Variants in ENO2 observed in about 807,000 individuals in gnomAD.
ENO2 encodes gamma-enolase.
Under a neutral mutation model 48.7 loss-of-function variants are expected in ENO2, and 19 were observed. The observed-to-expected ratio is 0.39, with a 90% confidence interval of 0.27 to 0.57. The LOEUF (loss-of-function observed/expected upper bound fraction) is 0.57. Ranked by LOEUF, ENO2 falls within the 20% of genes least tolerant of loss-of-function variation. The pLI, the probability that ENO2 is intolerant of heterozygous loss-of-function variation, is 0.58. For synonymous variants in ENO2, 198 were observed against 213.4 expected (o/e 0.93, Z 0.63); for missense variants, 416 against 555.0 (o/e 0.75, Z 2.52).
At position 6,915,806 on chromosome 12, in the gene ENO2, C is replaced by T. The variant is rs782522315; in HGVS notation, c.-12-15C>T. 4.3e-6 allele frequency: 7 copies of T among 1,611,866 alleles called. No homozygotes were observed. The highest frequency in any genetic ancestry group is 4.0e-5 in the African/African-American group (3 of 74,778). ...GCCTCTTATCTTTCTCCTTCCTTCC[C>T]TTCCACCCGAGGAGATCCCAGCCAT... is the stretch of plus-strand genomic sequence containing the variant. On this transcript the variant is annotated splice_polypyrimidine_tract_variant and intron_variant, in intron 1 of 11. Coordinates refer to ENST00000229277, the MANE Select transcript of ENO2 (RefSeq NM_001975.3).
rs868946522 is a variant in ENO2, at chr12:6,922,606, T to C, written c.1236-125T>C. On this transcript the variant is annotated intron_variant, in intron 11 of 11. Transcript: ENST00000229277. This position sits in a 1 kb window ranked among gnomAD's most constrained non-coding sequence, Gnocchi z 5.3. The stretch of plus-strand genomic sequence containing the variant: ...ATCACATGGGAAAGCCAGGGAATGC[T>C]AAGCCTTGGGGCAGGACACAAAAGC... 3.0e-6 allele frequency: 4 copies of C among 1,337,176 alleles called. No homozygotes were observed. In the South Asian group the frequency reaches 4.8e-5, roughly 16 times the overall value. 82.8% of individuals were successfully genotyped at this position (1,337,176 alleles called of 1,614,324 possible). A position where few individuals can be genotyped will look rare whatever the true frequency, so the allele number is the denominator to read the frequency against.
At position 6,922,089 on chromosome 12, in the gene ENO2, C is replaced by G; in HGVS notation, c.1101C>G (p.Val367=). Reference sequence around the variant, plus strand: ...TGGCCCAGGAGAATGGCTGGGGGGTCATGGTGAGTCATCGCTCAGGAGAGA... The same window carrying G: ...TGGCCCAGGAGAATGGCTGGGGGGTGATGGTGAGTCATCGCTCAGGAGAGA... ...CKLAQENGWG[V]MVSHRSGETE... is the part of the protein sequence containing the mutation. Residue 367 remains valine, a synonymous_variant, in exon 10 of 12, where the codon GTC becomes GTG. Transcript: ENST00000229277. This position sits in a 1 kb window ranked among gnomAD's most constrained non-coding sequence, Gnocchi z 5.3. The G allele has an allele frequency of 6.2e-7, 1 of 1,614,102 alleles. No individual in the cohort carries two copies. Among genetic ancestry groups the G allele is most frequent in the Non-Finnish European group, 8.5e-7 (1 of 1,180,034 alleles).
rs782116138 is a variant in ENO2, at chr12:6,922,424, G to A, written c.1235+22G>A. ...TGAGGTGAGGGTCCCTGGGGTGGGA[G>A]CCCCTGGCCCAGATGGCTAAAGGCC... On this transcript the variant is annotated intron_variant, in intron 11 of 11. Coordinates refer to ENST00000229277, the MANE Select transcript of ENO2 (RefSeq NM_001975.3). The surrounding 1 kb of genome is among the most constrained non-coding windows in gnomAD (Gnocchi z 5.3). The A allele has an allele frequency of 1.9e-6, 3 of 1,613,902 alleles. No homozygotes were observed. The East Asian group carries it at 6.7e-5, about 36-fold the overall frequency.
Position 6,922,985 on chromosome 12 carries a change from C to CT in ENO2, c.*186dup. 2 of 607,720 alleles carry CT rather than the reference C, an allele frequency of 3.3e-6. No homozygotes were observed. The highest frequency in any genetic ancestry group is 5.9e-6 in the Non-Finnish European group (2 of 337,866). 37.6% of individuals were successfully genotyped at this position (607,720 alleles called of 1,614,324 possible). ...TTGCTGTCTCTGCTCGCCCTCCTTT[C>CT]TGTGCCCTACTCATTGGGGTTCCGC... On this transcript the variant is annotated 3_prime_UTR_variant, in exon 12 of 12. Transcript: ENST00000229277. This position sits in a 1 kb window ranked among gnomAD's most constrained non-coding sequence, Gnocchi z 5.3.
chr12:6,916,933 T>C lies in ENO2; in HGVS notation c.241-105T>C. 6.6e-7 allele frequency: 1 copy of C among 1,525,624 alleles called. No homozygotes were observed. The highest frequency in any genetic ancestry group is 9.0e-7 in the Non-Finnish European group (1 of 1,108,376). 94.5% of individuals were successfully genotyped at this position (1,525,624 alleles called of 1,614,324 possible). ...CAGGTAGGCCCCTGTCACAGGGACC[T>C]GGTTGGACCCTGGCCAAATGTGAGC... On this transcript the variant is annotated intron_variant, in intron 4 of 11. Coordinates refer to ENST00000229277, the MANE Select transcript of ENO2 (RefSeq NM_001975.3). This position sits in a 1 kb window ranked among gnomAD's most constrained non-coding sequence, Gnocchi z 4.5.
chr12:6,919,425 TG>T, intron 7 of ENO2, 140 bp from the exon 8 acceptor site: 1 of 842,888 alleles, frequency 1.2e-6, no homozygotes, highest in Non-Finnish European at 1.9e-6. Context: ...CTCCCAGACC[TG>T]GGGATAACCC....
At chr12:6,918,855 G>T (rs1473544247) in intron 7 of ENO2, among the ~76,000 whole-genome samples, 1 of 151,480 alleles carries the variant, frequency 6.6e-6, no homozygotes, top group Non-Finnish European at 1.5e-5. Flanking sequence ...GGTGGCGTGT[G>T]CCTGTAATCA....
rs782578639 is a variant in ENO2, at chr12:6,916,539, C to CT, written c.181+28dup. On this transcript the variant is annotated intron_variant, in intron 3 of 11. Transcript: ENST00000229277. This position sits in a 1 kb window ranked among gnomAD's most constrained non-coding sequence, Gnocchi z 4.5. ...TGAGGTCCCTTCTCTTTTCCAGACTCTCCCCCACCTCAGCCTTATGCCCCT... is the reference window on the plus strand; with the variant it reads ...TGAGGTCCCTTCTCTTTTCCAGACTCTTCCCCCACCTCAGCCTTATGCCCCT... 1 of 1,613,262 alleles carries CT rather than the reference C, an allele frequency of 6.2e-7. No homozygotes were observed. Among genetic ancestry groups the CT allele is most frequent in the East Asian group, 2.2e-5 (1 of 44,884 alleles).
At position 6,922,602 on chromosome 12, in the gene ENO2, A is replaced by C; in HGVS notation, c.1236-129A>C. 1 of 1,308,412 alleles carries C rather than the reference A, an allele frequency of 7.6e-7. No homozygotes were observed. The highest frequency in any genetic ancestry group is 1.1e-6 in the Non-Finnish European group (1 of 913,630). 81.1% of individuals were successfully genotyped at this position (1,308,412 alleles called of 1,614,324 possible). A position where few individuals can be genotyped will look rare whatever the true frequency, so the allele number is the denominator to read the frequency against. ...AGAGATCACATGGGAAAGCCAGGGAATGCTAAGCCTTGGGGCAGGACACAA... is the reference window on the plus strand; with the variant it reads ...AGAGATCACATGGGAAAGCCAGGGACTGCTAAGCCTTGGGGCAGGACACAA... On this transcript the variant is annotated intron_variant, in intron 11 of 11. Coordinates refer to ENST00000229277, the MANE Select transcript of ENO2 (RefSeq NM_001975.3). The surrounding 1 kb of genome is among the most constrained non-coding windows in gnomAD (Gnocchi z 5.3).
In ENO2 at chr12:6,916,503, T is replaced by G; in HGVS notation, c.172T>G (p.Leu58Val). 1.2e-6 allele frequency: 2 copies of G among 1,614,106 alleles called. No individual in the cohort carries two copies. The highest frequency in any genetic ancestry group is 1.7e-6 in the Non-Finnish European group (2 of 1,179,984). ...GAGGGATGGAGACAAACAGCGTTAC[T>G]TAGGCAAAGGTGAGGTCCCTTCTCT... ...ELRDGDKQRY[L>V]GKGVLKAVDH... Residue 58 changes from leucine to valine, a missense_variant, in exon 3 of 12, where the codon TTA (leucine) becomes GTA (valine). Transcript: ENST00000229277. The surrounding 1 kb of genome is among the most constrained non-coding windows in gnomAD (Gnocchi z 4.5).
At chr12:6,921,526 T>G in intron 8 of ENO2, 55 bp from the exon 9 acceptor site, 1 of 1,579,536 alleles carries the variant, frequency 6.3e-7, no homozygotes, top group South Asian at 1.1e-5. Context: ...CTGCCTGATG[T>G]AGAGACCCAG....
Position 6,919,632 on chromosome 12 carries a change from A to G in ENO2, c.734A>G (p.Asp245Gly). 1.2e-6 allele frequency: 2 copies of G among 1,614,124 alleles called. No homozygotes were observed. The highest frequency in any genetic ancestry group is 1.7e-6 in the Non-Finnish European group (2 of 1,180,022). The change falls in exon 8 of 12, where the codon GAT (aspartate) becomes GGT (glycine). Residue 245 changes from aspartate (D) to glycine (G), a missense_variant. Coordinates refer to ENST00000229277, the MANE Select transcript of ENO2 (RefSeq NM_001975.3). The part of the protein sequence containing the change: ...GYTEKIVIGM[D>G]VAASEFYRDG... The stretch of plus-strand genomic sequence containing the variant: ...ACGGAAAAGATCGTTATTGGCATGG[A>G]TGTTGCTGCCTCAGAGTTTTATCGT...
Position 6,923,584 on chromosome 12 carries a change from G to C in ENO2, c.*784G>C, listed in dbSNP as rs1484312443. The C allele has an allele frequency of 2.0e-5, 3 of 152,302 alleles. No individual in the cohort carries two copies. The allele number at this position is 152,302 out of a possible 1,614,324, so 9.4% of individuals were successfully genotyped here. A position where few individuals can be genotyped will look rare whatever the true frequency, so the allele number is the denominator to read the frequency against. Reference sequence around the variant, plus strand: ...ATCTCTCCCCAACCCTAGGTTCCCTGTTCTTCCTCCAGCTGCACCAGAGCA... The same window carrying C: ...ATCTCTCCCCAACCCTAGGTTCCCTCTTCTTCCTCCAGCTGCACCAGAGCA... On this transcript the variant is annotated 3_prime_UTR_variant, in exon 12 of 12. Coordinates refer to ENST00000229277, the MANE Select transcript of ENO2 (RefSeq NM_001975.3).
In ENO2 at chr12:6,923,003, G is replaced by T; in HGVS notation, c.*203G>T. ...CTCCTTTCTGTGCCCTACTCATTGGGGTTCCGCACTTTCCACTTCTTCCTT... is the reference window on the plus strand; with the variant it reads ...CTCCTTTCTGTGCCCTACTCATTGGTGTTCCGCACTTTCCACTTCTTCCTT... On this transcript the variant is annotated 3_prime_UTR_variant, in exon 12 of 12. Coordinates refer to ENST00000229277, the MANE Select transcript of ENO2 (RefSeq NM_001975.3). 1 of 562,980 alleles carries T rather than the reference G, an allele frequency of 1.8e-6. No individual in the cohort carries two copies. The highest frequency in any genetic ancestry group is 3.2e-6 in the Non-Finnish European group (1 of 312,582). The allele number at this position is 562,980 out of a possible 1,614,324, so 34.9% of individuals were successfully genotyped here.
At chr12:6,918,221 A>C in intron 7 of ENO2, 59 bp downstream of exon 7, 1 of 1,567,510 alleles carries the variant, frequency 6.4e-7, no homozygotes, top group Non-Finnish European at 8.7e-7. Flanking sequence ...GACATCAGAA[A>C]GGGTGACACA....
chr12:6,923,137 G>A lies in ENO2; in HGVS notation c.*337G>A, dbSNP rs781882751. 2 of 323,930 alleles carry A rather than the reference G, an allele frequency of 6.2e-6. No homozygotes were observed. Among genetic ancestry groups the A allele is most frequent in the Non-Finnish European group, 1.2e-5 (2 of 165,842 alleles). 20.1% of individuals were successfully genotyped at this position (323,930 alleles called of 1,614,324 possible). On this transcript the variant is annotated 3_prime_UTR_variant, in exon 12 of 12. Transcript: ENST00000229277. ...GTGATGGGAGCGTCAGGGTTGGTGT[G>A]CTGAGGTGTTAGAGAGGGACCATGT... is the stretch of plus-strand genomic sequence containing the variant.
chr12:6,921,532 C>T (rs782747263), intron 8 of ENO2, 49 bp from the exon 9 acceptor site: 4 of 1,586,870 alleles, frequency 2.5e-6, no homozygotes, highest in Non-Finnish European at 1.7e-6. Context: ...GATGTAGAGA[C>T]CCAGGGAAGA....
At position 6,916,867 on chromosome 12, in the gene ENO2, T is replaced by C. The variant is rs1945296310; in HGVS notation, c.240+138T>C. The C allele has an allele frequency of 8.6e-6, 12 of 1,389,834 alleles. No homozygotes were observed. Among genetic ancestry groups the C allele is most frequent in the African/African-American group, 1.4e-5 (1 of 70,198 alleles). The allele number at this position is 1,389,834 out of a possible 1,614,324, so 86.1% of individuals were successfully genotyped here. A position where few individuals can be genotyped will look rare whatever the true frequency, so the allele number is the denominator to read the frequency against. ...GGGGGAAGGGTGGGGAACAGCTTCCTTAATGCACCCTGCTCCCATGGGAGT... is the reference window on the plus strand; with the variant it reads ...GGGGGAAGGGTGGGGAACAGCTTCCCTAATGCACCCTGCTCCCATGGGAGT... On this transcript the variant is annotated intron_variant, in intron 4 of 11. Coordinates refer to ENST00000229277, the MANE Select transcript of ENO2 (RefSeq NM_001975.3). The surrounding 1 kb of genome is among the most constrained non-coding windows in gnomAD (Gnocchi z 4.5).
At chr12:6,917,016 G>A (rs782651799) in intron 4 of ENO2, 22 bp from the exon 5 acceptor site, 12 of 1,613,912 alleles carry the variant, frequency 7.4e-6, no homozygotes, top group Middle Eastern at 1.6e-4. Context: ...CTGGCCCTGG[G>A]TGATGGAGGC....
Sources: allele counts gnomAD v4.1 joint callset (sites outside exome capture counted in the v4.1 genomes callset), GRCh38; gene constraint gnomAD v4.1.1; non-coding constraint Gnocchi (gnomAD v3.1); transcripts MANE v1.5; gene names NCBI Gene and HGNC (gene_info 2026-07-23, HGNC 2026-07-21).